Variants in HS6ST3 observed in about 807,000 individuals in gnomAD.
The protein encoded by HS6ST3 is heparan sulfate 6-O-sulfotransferase 3, also known as heparan-sulfate 6-O-sulfotransferase 3.
A neutral mutation model predicts 36.7 loss-of-function variants in HS6ST3; 12 were observed. The ratio of observed to expected loss-of-function variants is 0.33; its 90% CI spans 0.21 to 0.53. The LOEUF (loss-of-function observed/expected upper bound fraction) is 0.53, where lower values mean the gene tolerates loss of function less well. HS6ST3 is among the 20% of genes least tolerant of loss of function. The pLI is 0.95. For synonymous variants in HS6ST3, 240 were observed against 257.5 expected, an observed-to-expected ratio of 0.93 and a Z score of 0.65; for missense variants, 584 against 640.9, an observed-to-expected ratio of 0.91 and a Z score of 0.96.
At chr13:96,687,342 T>G (rs1874812948) in intron 1 of HS6ST3, among the ~76,000 whole-genome samples, 2 of 151,992 alleles carry the variant, frequency 1.3e-5, no homozygotes, top group Admixed American at 6.6e-5. Flanking sequence ...ACACATGGTG[T>G]GTTCTTTTTT....
chr13:96,125,530 T>A (rs188207198), intron 1 of HS6ST3, among the ~76,000 whole-genome samples: 24 of 152,244 alleles, frequency 1.6e-4, no homozygotes, highest in African/African-American at 5.3e-4. Context: ...ATTTATTCTA[T>A]CATACTATAT....
intron 1 of HS6ST3, among the ~76,000 whole-genome samples, chr13:96,726,460 T>C (rs970683528): frequency 3.3e-5 from 5 of 152,220 alleles, no homozygotes; most frequent in African/African-American, 1.2e-4. Flanking sequence ...AAGTATTTCA[T>C]ATTTTTGATA....
At chr13:96,260,426 C>G (rs2054659683) in intron 1 of HS6ST3, among the ~76,000 whole-genome samples, 1 of 151,884 alleles carries the variant, frequency 6.6e-6, no homozygotes, top group Admixed American at 6.6e-5. Flanking sequence ...ATTCTCCTGC[C>G]TCAGCCTCCC....
chr13:96,472,287 G>C lies in HS6ST3; in HGVS notation c.708-360203G>C, dbSNP rs2055843543. Among the ~76,000 whole-genome samples, 2 of 152,170 alleles carry C rather than the reference G, an allele frequency of 1.3e-5. 1 individual carries two copies. Among genetic ancestry groups the C allele is most frequent in the South Asian group, 4.1e-4 (2 of 4,834 alleles). Reference sequence around the variant, plus strand: ...AGTTCAAATTCTTTAAGCATGCTAGGTGGCTAGGTGTGCAGCTGCAACTGG... The same window carrying C: ...AGTTCAAATTCTTTAAGCATGCTAGCTGGCTAGGTGTGCAGCTGCAACTGG... On this transcript the variant is annotated intron_variant, in intron 1 of 1. Coordinates refer to ENST00000376705, the MANE Select transcript of HS6ST3 (RefSeq NM_153456.4).
At chr13:96,327,815 TG>T (rs2055041304) in intron 1 of HS6ST3, among the ~76,000 whole-genome samples, 1 of 151,888 alleles carries the variant, frequency 6.6e-6, no homozygotes, top group African/African-American at 2.4e-5. Context: ...CCCATGAGCA[TG>T]GAATGTCCTT....
At chr13:96,211,575 T>C (rs1363466654) in intron 1 of HS6ST3, among the ~76,000 whole-genome samples, 1 of 152,254 alleles carries the variant, frequency 6.6e-6, no homozygotes, top group East Asian at 1.9e-4. Flanking sequence ...TTTTATAATA[T>C]GAGAATATCC....
chr13:96,408,785 T>C lies in HS6ST3; in HGVS notation c.707+317216T>C, dbSNP rs2055491803. 2.0e-5 allele frequency among the ~76,000 whole-genome samples: 3 copies of C among 151,900 alleles called. 1 individual carries two copies. Among genetic ancestry groups the C allele is most frequent in the Admixed American group, 6.6e-5 (1 of 15,228 alleles). On this transcript the variant is annotated intron_variant, in intron 1 of 1. Transcript: ENST00000376705. ...TAAAAATACAAAAATTAGCCAGGCA[T>C]GGTGGTGGGGGCCTGTAATCCCAGC...
intron 1 of HS6ST3, among the ~76,000 whole-genome samples, chr13:96,111,208 A>AT (rs1294665418): frequency 4.6e-5 from 7 of 152,224 alleles, no homozygotes; most frequent in Admixed American, 4.6e-4. Context: ...TGATTACTCC[A>AT]TTTTTAGCAT....
chr13:96,157,974 A>C (rs2054118032), intron 1 of HS6ST3, among the ~76,000 whole-genome samples: 1 of 152,202 alleles, frequency 6.6e-6, no homozygotes, highest in African/African-American at 2.4e-5. Flanking sequence ...GGACTGTACA[A>C]AGGTACCGTG....
At chr13:96,458,726 T>C (rs1000949124) in intron 1 of HS6ST3, among the ~76,000 whole-genome samples, 11 of 152,040 alleles carry the variant, frequency 7.2e-5, no homozygotes, top group Admixed American at 1.3e-4. Flanking sequence ...ATATGTTTTC[T>C]GAGGGAGCTG....
At chr13:96,484,718 A>G (rs1464128763) in intron 1 of HS6ST3, among the ~76,000 whole-genome samples, 1 of 152,138 alleles carries the variant, frequency 6.6e-6, no homozygotes, top group African/African-American at 2.4e-5. Flanking sequence ...AGTGTGTACA[A>G]ATACTACATT....
At chr13:96,462,762 TA>T (rs2055791322) in intron 1 of HS6ST3, among the ~76,000 whole-genome samples, 1 of 152,330 alleles carries the variant, frequency 6.6e-6, no homozygotes, top group East Asian at 1.9e-4. Context: ...TTACTGGGTA[TA>T]AAATCAATAA....
chr13:96,448,532 C>T lies in HS6ST3; in HGVS notation c.707+356963C>T, dbSNP rs142179706. Among the ~76,000 whole-genome samples the T allele has an allele frequency of 6.7e-3, 994 of 148,378 alleles. 6 individuals carry two copies. Among genetic ancestry groups the T allele is most frequent in the African/African-American group, 0.024 (953 of 39,354 alleles). Reference sequence around the variant, plus strand: ...TTCTTCTGGGTATTTCCAGTGTTTACTACAGTGCAAACCACCTAATAAATA... The same window carrying T: ...TTCTTCTGGGTATTTCCAGTGTTTATTACAGTGCAAACCACCTAATAAATA... On this transcript the variant is annotated intron_variant, in intron 1 of 1. Coordinates refer to ENST00000376705, the MANE Select transcript of HS6ST3 (RefSeq NM_153456.4).
intron 1 of HS6ST3, among the ~76,000 whole-genome samples, chr13:96,597,664 T>C (rs1417629846): frequency 1.3e-5 from 2 of 152,122 alleles, no homozygotes. Flanking sequence ...TTATTTCTTT[T>C]GCTGTGTTTT....
chr13:96,159,455 T>G (rs1381464486), intron 1 of HS6ST3, among the ~76,000 whole-genome samples: 2 of 152,224 alleles, frequency 1.3e-5, no homozygotes, highest in Admixed American at 1.3e-4. Context: ...CTGTCACACA[T>G]GCCAATCTGG....
intron 1 of HS6ST3, among the ~76,000 whole-genome samples, chr13:96,691,054 C>T (rs1470597560): frequency 2.0e-5 from 3 of 152,096 alleles, no homozygotes; most frequent in South Asian, 2.1e-4. Flanking sequence ...GCAAATATTA[C>T]ATCAGAGAGT....
intron 1 of HS6ST3, among the ~76,000 whole-genome samples, chr13:96,556,436 T>A (rs1004137072): frequency 4.6e-5 from 7 of 152,206 alleles, no homozygotes; most frequent in African/African-American, 1.7e-4. Context: ...AAAATAAAGT[T>A]ATTTTTCAGC....
intron 1 of HS6ST3, among the ~76,000 whole-genome samples, chr13:96,671,619 G>T (rs978458174): frequency 6.6e-6 from 1 of 152,098 alleles, no homozygotes; most frequent in African/African-American, 2.4e-5. Flanking sequence ...CTGGGAGGAG[G>T]ATCTGTTCCA....
At chr13:96,135,412 A>G (rs2053996892) in intron 1 of HS6ST3, among the ~76,000 whole-genome samples, 1 of 152,210 alleles carries the variant, frequency 6.6e-6, no homozygotes. Context: ...TAAAAATAGA[A>G]TGGTGAGGTA....
Sources: gnomAD v4.1 joint callset for allele counts (sites outside exome capture counted in the v4.1 genomes callset) on GRCh38, gnomAD v4.1.1 for gene constraint, MANE v1.5 for transcripts, NCBI Gene and HGNC (gene_info 2026-07-23, HGNC 2026-07-21) for gene names.